Variants in CDH13 observed in about 807,000 individuals in gnomAD.
The protein encoded by CDH13 is cadherin 13, also known as cadherin-13.
CDH13 carries 24 observed loss-of-function variants against 63.8 expected under a neutral mutation model. That is an observed-to-expected ratio of 0.38 (90% CI 0.27 to 0.53). The LOEUF is 0.53. Ranked by LOEUF, CDH13 falls within the 20% of genes least tolerant of loss-of-function variation. The pLI is 0.85. For synonymous variants in CDH13, 503 were observed against 355.3 expected, an observed-to-expected ratio of 1.42 and a Z score of -4.67; for missense variants, 1,049 against 903.1, an observed-to-expected ratio of 1.16 and a Z score of -2.07.
At chr16:82,790,432 C>G (rs900219111) in intron 1 of CDH13, among the ~76,000 whole-genome samples, 1 of 151,940 alleles carries the variant, frequency 6.6e-6, no homozygotes, top group Non-Finnish European at 1.5e-5. Flanking sequence ...GAGACTCTGT[C>G]TCAAAAAAGA....
intron 7 of CDH13, among the ~76,000 whole-genome samples, chr16:83,584,802 CA>C (rs1905985371): frequency 6.6e-6 from 1 of 152,158 alleles, no homozygotes; most frequent in Non-Finnish European, 1.5e-5. Flanking sequence ...AGCATGGTGC[CA>C]GGCATCTGCA....
rs532964225 is a variant in CDH13 at position 82,830,221 on chromosome 16, A to G, written c.46-28141A>G. ...CTATCTTGCCCCTTTTCTGATTCAC[A>G]CTACAGGGAGGACACTTGGTACTTA... On this transcript the variant is annotated intron_variant, in intron 1 of 13. Coordinates refer to ENST00000567109, the MANE Select transcript of CDH13 (RefSeq NM_001257.5). Among the ~76,000 whole-genome samples the G allele has an allele frequency of 2.0e-5, 3 of 152,304 alleles. No individual in the cohort carries two copies. In the South Asian group the frequency reaches 6.2e-4, roughly 32 times the overall value.
chr16:83,292,708 A>C (rs990546644), intron 5 of CDH13, among the ~76,000 whole-genome samples: 1 of 152,156 alleles, frequency 6.6e-6, no homozygotes, highest in African/African-American at 2.4e-5. Context: ...TAAAAACAAC[A>C]ACCATGATCA....
rs148229591 is a variant in CDH13 at position 83,163,957 on chromosome 16, C to G, written c.483+38456C>G. Among the ~76,000 whole-genome samples, 87 of 152,204 alleles carry G rather than the reference C, an allele frequency of 5.7e-4. 1 individual carries two copies. The East Asian group carries it at 0.015, about 27-fold the overall frequency. The stretch of plus-strand genomic sequence containing the variant: ...AAATGTATTAATTATGAACATAAAA[C>G]CTTACCGTGTGCTGAACATTAGACT... On this transcript the variant is annotated intron_variant, in intron 4 of 13. Transcript: ENST00000567109.
chr16:83,064,181 C>T (rs552955747), intron 3 of CDH13, among the ~76,000 whole-genome samples: 4 of 152,166 alleles, frequency 2.6e-5, no homozygotes, highest in African/African-American at 7.2e-5. Flanking sequence ...ACAGTCTGGC[C>T]CACATGATGA....
At chr16:83,030,779 G>T (rs1023014732) in intron 2 of CDH13, among the ~76,000 whole-genome samples, 10 of 151,172 alleles carry the variant, frequency 6.6e-5, no homozygotes, top group Non-Finnish European at 1.0e-4. Flanking sequence ...AGGGCTACCA[G>T]AAAGCACCAT....
At chr16:83,426,907 C>CTT (rs71148833) in intron 6 of CDH13, among the ~76,000 whole-genome samples, 2,735 of 63,072 alleles carry the variant, frequency 0.043, 491 homozygotes, top group Non-Finnish European at 0.051. Flanking sequence ...ATGTTTCTTT[C>CTT]TTTTTTTTTT....
chr16:83,324,824 G>A (rs549259111), intron 5 of CDH13, among the ~76,000 whole-genome samples: 14 of 152,310 alleles, frequency 9.2e-5, no homozygotes, highest in African/African-American at 3.1e-4. Context: ...TTGAGGAACT[G>A]CCAGACTATT....
At chr16:83,660,465 G>T (rs1380837452) in intron 8 of CDH13, among the ~76,000 whole-genome samples, 10 of 152,160 alleles carry the variant, frequency 6.6e-5, no homozygotes, top group Admixed American at 6.5e-4. Flanking sequence ...GTGGAGCTCA[G>T]GTGGTAATAT....
chr16:83,676,573 A>T (rs574794043), intron 9 of CDH13, among the ~76,000 whole-genome samples: 1 of 152,338 alleles, frequency 6.6e-6, no homozygotes, highest in African/African-American at 2.4e-5. Context: ...AGAAAGAAGG[A>T]TAGAATGGTG....
intron 13 of CDH13, among the ~76,000 whole-genome samples, chr16:83,788,825 C>T (rs542836954): frequency 5.3e-5 from 8 of 152,104 alleles, no homozygotes; most frequent in Non-Finnish European, 8.8e-5. Context: ...TGTGTAAAGT[C>T]GAAATTATTC....
At chr16:83,631,643 G>A (rs1172602922) in intron 8 of CDH13, among the ~76,000 whole-genome samples, 3 of 152,076 alleles carry the variant, frequency 2.0e-5, no homozygotes, top group Admixed American at 2.0e-4. Context: ...ATGCGCCAAC[G>A]AGATGCTCCT....
At chr16:83,173,036 G>A (rs956820446) in intron 4 of CDH13, among the ~76,000 whole-genome samples, 3 of 152,084 alleles carry the variant, frequency 2.0e-5, no homozygotes, top group East Asian at 1.9e-4. Flanking sequence ...GCCCTTGCTG[G>A]GAAAGGTACT....
chr16:82,986,082 G>A (rs1011799446), intron 2 of CDH13, among the ~76,000 whole-genome samples: 20 of 152,168 alleles, frequency 1.3e-4, no homozygotes, highest in Non-Finnish European at 2.4e-4. Flanking sequence ...ATATAGTGAC[G>A]TAAGAATGGA....
intron 5 of CDH13, among the ~76,000 whole-genome samples, chr16:83,283,283 A>G (rs939674626): frequency 9.8e-5 from 15 of 152,294 alleles, no homozygotes; most frequent in African/African-American, 2.9e-4. Flanking sequence ...GTGGGACCCA[A>G]TGTATTTTAA....
intron 7 of CDH13, among the ~76,000 whole-genome samples, chr16:83,554,632 G>T (rs1166208268): frequency 6.6e-6 from 1 of 151,962 alleles, no homozygotes; most frequent in African/African-American, 2.4e-5. Flanking sequence ...TGTCACAAAA[G>T]ACTGCAAAAA....
intron 13 of CDH13, among the ~76,000 whole-genome samples, chr16:83,786,648 C>T (rs538315097): frequency 1.3e-5 from 2 of 151,726 alleles, no homozygotes; most frequent in South Asian, 2.1e-4. Flanking sequence ...AGTACAGTGG[C>T]GTCATCTCAG....
At chr16:83,521,380 A>C (rs912287678) in intron 7 of CDH13, among the ~76,000 whole-genome samples, 3 of 152,242 alleles carry the variant, frequency 2.0e-5, no homozygotes, top group Admixed American at 2.0e-4. Flanking sequence ...AATAATGGAA[A>C]AAAAATTGTA....
At chr16:83,672,865 C>G (rs1007629843) in intron 9 of CDH13, among the ~76,000 whole-genome samples, 1 of 152,174 alleles carries the variant, frequency 6.6e-6, no homozygotes, top group Non-Finnish European at 1.5e-5. Flanking sequence ...AATTGTCTGA[C>G]AGATTTTATA....
Sources: gnomAD v4.1 joint callset for allele counts (sites outside exome capture counted in the v4.1 genomes callset) on GRCh38, gnomAD v4.1.1 for gene constraint, MANE v1.5 for transcripts, NCBI Gene and HGNC (gene_info 2026-07-23, HGNC 2026-07-21) for gene names.